SRRM3: variants seen among roughly 807,000 people sequenced by gnomAD.
SRRM3 encodes serine/arginine repetitive matrix 3, also known as serine/arginine repetitive matrix protein 3.
Under a neutral mutation model 66.2 loss-of-function variants are expected in SRRM3, and 27 were observed. The ratio of observed to expected loss-of-function variants is 0.41; its 90% CI spans 0.30 to 0.56. The LOEUF is 0.56. Among genes scored for constraint, SRRM3 ranks in the 20% least tolerant of loss-of-function variants. The probability of loss-of-function intolerance (pLI) is 0.32; values close to 1 mark genes in which losing one functional copy is unlikely to be tolerated. For missense variants in SRRM3, 918 were observed against 991.9 expected (o/e 0.93, Z 1.00); for synonymous variants, 391 against 414.9 (o/e 0.94, Z 0.70).
chr7:76,247,402 C>A (rs574865842), intron 2 of SRRM3, among the ~76,000 whole-genome samples: 1 of 152,012 alleles, frequency 6.6e-6, no homozygotes, highest in Non-Finnish European at 1.5e-5. Context: ...GGTGCTTTGA[C>A]GACCTCCCAT....
intron 1 of SRRM3, among the ~76,000 whole-genome samples, chr7:76,220,532 C>T (rs1483405615): frequency 2.6e-5 from 4 of 152,268 alleles, no homozygotes; most frequent in South Asian, 2.1e-4. Context: ...TCTGCCTCAC[C>T]GGCCCCGGAC....
At chr7:76,266,663 T>C (rs1554609779) in intron 10 of SRRM3, among the ~76,000 whole-genome samples, 1 of 133,448 alleles carries the variant, frequency 7.5e-6, no homozygotes, top group Non-Finnish European at 1.5e-5. Context: ...TATATTATTA[T>C]ATATATTTAT....
rs1801982251 is a variant in SRRM3, at chr7:76,265,348, C to T, written c.726-16C>T. ...GCAGAATTGAGGTACAGGCTGATTT[C>T]CCCCATCCACGCCAGGCCTCACACA... On this transcript the variant is annotated splice_polypyrimidine_tract_variant and intron_variant, in intron 9 of 14. Coordinates refer to ENST00000611745, the MANE Select transcript of SRRM3 (RefSeq NM_001110199.3). The T allele has an allele frequency of 1.5e-5, 23 of 1,581,636 alleles. No individual in the cohort carries two copies. The highest frequency in any genetic ancestry group is 2.0e-5 in the Non-Finnish European group (23 of 1,162,732).
At chr7:76,218,928 C>T (rs1490252290) in intron 1 of SRRM3, among the ~76,000 whole-genome samples, 2 of 152,104 alleles carry the variant, frequency 1.3e-5, no homozygotes, top group Non-Finnish European at 2.9e-5. Context: ...GATCTTGGCT[C>T]ATTGCCACTT....
At chr7:76,269,976 A>G (rs1182795912) in intron 11 of SRRM3, 6 of 151,566 alleles carry the variant, frequency 4.0e-5, no homozygotes, top group Non-Finnish European at 1.5e-5. Flanking sequence ...AAGGGAAGAT[A>G]ACTCTAAAAA....
At chr7:76,211,166 G>A (rs1045384975) in intron 1 of SRRM3, among the ~76,000 whole-genome samples, 4 of 152,200 alleles carry the variant, frequency 2.6e-5, no homozygotes, top group Non-Finnish European at 4.4e-5. Context: ...AAGGGCTACC[G>A]GGACACCGGT....
At position 76,254,010 on chromosome 7, in the gene SRRM3, C is replaced by A. The variant is rs552264911; in HGVS notation, c.335+5721C>A. On this transcript the variant is annotated intron_variant, in intron 3 of 14. Coordinates refer to ENST00000611745, the MANE Select transcript of SRRM3 (RefSeq NM_001110199.3). Reference sequence around the variant, plus strand: ...GTCTGCTCCTCTACCCTGTGCTCATCTTTATTTATTTATTTATTTATTTTT... The same window carrying A: ...GTCTGCTCCTCTACCCTGTGCTCATATTTATTTATTTATTTATTTATTTTT... Among the ~76,000 whole-genome samples the A allele has an allele frequency of 1.8e-4, 28 of 151,820 alleles. No individual in the cohort carries two copies. In the South Asian group the frequency reaches 5.8e-3, roughly 32 times the overall value.
chr7:76,247,297 C>G (rs183627678), intron 2 of SRRM3, among the ~76,000 whole-genome samples: 119 of 152,144 alleles, frequency 7.8e-4, no homozygotes, highest in African/African-American at 2.8e-3. Context: ...ACCCCCTACC[C>G]CAAGCCAGCA....
intron 1 of SRRM3, among the ~76,000 whole-genome samples, chr7:76,203,997 G>A (rs144842338): frequency 3.0e-4 from 45 of 152,162 alleles, no homozygotes; most frequent in African/African-American, 1.1e-3. Flanking sequence ...CCTCTACCCC[G>A]TCACACCTGC....
chr7:76,262,463 G>A (rs1185938636), intron 8 of SRRM3, among the ~76,000 whole-genome samples: 4 of 145,628 alleles, frequency 2.7e-5, no homozygotes, highest in Admixed American at 1.4e-4. Context: ...CCAAGAGATT[G>A]CAGTGGAGTG....
At chr7:76,266,496 ATATT>A (rs1802052170) in intron 10 of SRRM3, among the ~76,000 whole-genome samples, 6 of 110,768 alleles carry the variant, frequency 5.4e-5, no homozygotes, top group Non-Finnish European at 1.0e-4. Flanking sequence ...ATATATTTAT[ATATT>A]TAATATATAA....
intron 11 of SRRM3, 87 bp from the exon 12 acceptor site, chr7:76,281,354 C>T: frequency 1.0e-6 from 1 of 971,428 alleles, no homozygotes; most frequent in Non-Finnish European, 1.3e-6. Flanking sequence ...CTCTCTCTCC[C>T]GTCTGTCTCC....
intron 1 of SRRM3, among the ~76,000 whole-genome samples, chr7:76,206,313 G>A (rs2116923029): frequency 6.6e-6 from 1 of 152,314 alleles, no homozygotes; most frequent in East Asian, 1.9e-4. Flanking sequence ...GGAAGGGAAG[G>A]GAAGGTGTTT....
chr7:76,282,663 C>A lies in SRRM3; in HGVS notation c.1386C>A (p.Pro462=). ...CCTCCTCCAGGGCCAAGGAGCGGCC[C>A]CCGCGCGCGCGGCCCGCCAGCACCT... ...GGHGKRAKER[P]PRARPASTSP... Residue 462 remains proline (P), a synonymous_variant, in exon 13 of 15, where the codon CCC becomes CCA. Transcript: ENST00000611745. 1 of 1,407,504 alleles carries A rather than the reference C, an allele frequency of 7.1e-7. No homozygotes were observed. The highest frequency in any genetic ancestry group is 3.1e-5 in the East Asian group (1 of 32,456). The allele number at this position is 1,407,504 out of a possible 1,614,324, so 87.2% of individuals were successfully genotyped here.
At position 76,258,633 on chromosome 7, in the gene SRRM3, G is replaced by A. The variant is rs538925620; in HGVS notation, c.336-1273G>A. ...GGAGGCTGAGGCAGGAGAATTGCTTGAACCCAGCAGGCGGAGGATGCAGTG... is the reference window on the plus strand; with the variant it reads ...GGAGGCTGAGGCAGGAGAATTGCTTAAACCCAGCAGGCGGAGGATGCAGTG... On this transcript the variant is annotated intron_variant, in intron 3 of 14. Transcript: ENST00000611745. Among the ~76,000 whole-genome samples the A allele has an allele frequency of 1.6e-4, 23 of 142,466 alleles. No homozygotes were observed. In the Admixed American group the frequency reaches 1.7e-3, roughly 10 times the overall value. The allele number at this position is 142,466 out of a possible 152,430, so 93.5% of individuals were successfully genotyped here. A position where few individuals can be genotyped will look rare whatever the true frequency, so the allele number is the denominator to read the frequency against.
At chr7:76,218,674 CTTTTTTTTTTTTTTTTT>C (rs11349335) in intron 1 of SRRM3, among the ~76,000 whole-genome samples, 1 of 76,278 alleles carries the variant, frequency 1.3e-5, no homozygotes, top group Non-Finnish European at 2.3e-5. Flanking sequence ...GCTTTCTTTT[CTTTTTTTTTTTTTTTTT>C]TTTTTTTGGC....
At position 76,236,002 on chromosome 7, in the gene SRRM3, T is replaced by C. The variant is rs188721019; in HGVS notation, c.233+703T>C. Among the ~76,000 whole-genome samples, 124 of 39,030 alleles carry C rather than the reference T, an allele frequency of 3.2e-3. 6 individuals are homozygous for C. In the South Asian group the frequency reaches 0.077, roughly 24 times the overall value. 25.6% of individuals were successfully genotyped at this position (39,030 alleles called of 152,430 possible). On this transcript the variant is annotated intron_variant, in intron 2 of 14. Transcript: ENST00000611745. Reference sequence around the variant, plus strand: ...GCCTGGGCAACAGATCGAGATTCTGTCTCAAAAAAAAAAAAAAAAAAAAAA... The same window carrying C: ...GCCTGGGCAACAGATCGAGATTCTGCCTCAAAAAAAAAAAAAAAAAAAAAA...
At position 76,235,248 on chromosome 7, in the gene SRRM3, G is replaced by A; in HGVS notation, c.182G>A (p.Arg61Gln). 6.5e-7 allele frequency: 1 copy of A among 1,546,022 alleles called. No homozygotes were observed. The highest frequency in any genetic ancestry group is 8.7e-7 in the Non-Finnish European group (1 of 1,153,918). The change falls in exon 2 of 15, where the codon CGG (arginine) becomes CAG (glutamine). Residue 61 changes from arginine (R) to glutamine (Q), a missense_variant. Arg to Gln is a conservative substitution (Grantham distance 43, BLOSUM62 1). Coordinates refer to ENST00000611745, the MANE Select transcript of SRRM3 (RefSeq NM_001110199.3). ...GAGATCCTGGACCACGAGCGCAAGC[G>A]GCGGGTGGAGCTCAAGTGCATGGAG... Reference protein sequence around the residue: ...HREILDHERKRRVELKCMELQ... With the variant: ...HREILDHERKQRVELKCMELQ...
chr7:76,209,063 T>C (rs1295474542), intron 1 of SRRM3, among the ~76,000 whole-genome samples: 8 of 152,074 alleles, frequency 5.3e-5, no homozygotes, highest in African/African-American at 1.9e-4. Context: ...TGCACCACTA[T>C]ACTCCAGCCT....
Sources: gnomAD v4.1 joint callset for allele counts (sites outside exome capture counted in the v4.1 genomes callset) on GRCh38, gnomAD v4.1.1 for gene constraint, MANE v1.5 for transcripts, NCBI Gene and HGNC (gene_info 2026-07-23, HGNC 2026-07-21) for gene names.